DLGAP4: variants seen among roughly 807,000 people sequenced by gnomAD.
DLGAP4 encodes disks large-associated protein 4.
A neutral mutation model predicts 86.9 loss-of-function variants in DLGAP4; 18 were observed. That is an observed-to-expected ratio of 0.21 (90% CI 0.14 to 0.31). DLGAP4 has a LOEUF of 0.31. DLGAP4 is among the 10% of genes least tolerant of loss of function. DLGAP4 has a pLI of 1.00. For missense variants in DLGAP4, 1,085 were observed against 1,362.6 expected, an observed-to-expected ratio of 0.80 and a Z score of 3.21; for synonymous variants, 548 against 574.3, an observed-to-expected ratio of 0.95 and a Z score of 0.65.
chr20:36,317,521 A>T (rs2065121581), intron 1 of DLGAP4, among the ~76,000 whole-genome samples: 1 of 128,844 alleles, frequency 7.8e-6, no homozygotes. Flanking sequence ...TGACATGATC[A>T]TAGCTCACTG....
intron 10 of DLGAP4, chr20:36,510,914 T>C (rs1382320298): frequency 1.3e-5 from 2 of 152,232 alleles, no homozygotes; most frequent in African/African-American, 4.8e-5. Context: ...ATCTGGTGAG[T>C]GCTCCTTCTT....
rs2147540766 is a variant in DLGAP4 at position 36,432,056 on chromosome 20, C to T, written c.339C>T (p.Pro113=). The T allele has an allele frequency of 6.2e-7, 1 of 1,614,160 alleles. No homozygotes were observed. Among genetic ancestry groups the T allele is most frequent in the African/African-American group, 1.3e-5 (1 of 75,068 alleles). Residue 113 remains proline (P), a synonymous_variant, in exon 3 of 13, where the codon CCC becomes CCT. Coordinates refer to ENST00000339266, the MANE Select transcript of DLGAP4 (RefSeq NM_001365621.2). The surrounding 1 kb of genome is among the most constrained non-coding windows in gnomAD (Gnocchi z 6.5). The part of the protein sequence containing the change: ...NLLDQFEKQL[P]IHRDGFSTLQ... ...TGGACCAGTTTGAGAAGCAGCTGCCCATCCACCGTGATGGCTTCAGCACCC... is the reference window on the plus strand; with the variant it reads ...TGGACCAGTTTGAGAAGCAGCTGCCTATCCACCGTGATGGCTTCAGCACCC...
At chr20:36,422,120 C>T (rs765999158) in intron 2 of DLGAP4, among the ~76,000 whole-genome samples, 1 of 152,126 alleles carries the variant, frequency 6.6e-6, no homozygotes, top group Non-Finnish European at 1.5e-5. Flanking sequence ...CTTCACCCCA[C>T]CCCAGGCAGC....
Position 36,526,867 on chromosome 20 carries a change from G to A in DLGAP4, c.2815G>A (p.Ala939Thr). ...VPKKPAKSKP[A>T]VSRDKASDAS... The stretch of plus-strand genomic sequence containing the variant: ...AAAGAAGCCAGCCAAATCCAAGCCG[G>A]CAGTGAGCCGCGACAAGGCCTCAGA... Residue 939 changes from alanine (A) to threonine (T), a missense_variant, in exon 13 of 13, where the codon GCA (alanine) becomes ACA (threonine). Ala to Thr is a moderately conservative substitution (Grantham distance 58, BLOSUM62 0). This residue lies in a region of DLGAP4 where 1,082 missense variants were observed against 1,344.1 expected (regional missense o/e 0.81). Transcript: ENST00000339266. 6.2e-7 allele frequency: 1 copy of A among 1,612,168 alleles called. No individual in the cohort carries two copies. The highest frequency in any genetic ancestry group is 8.5e-7 in the Non-Finnish European group (1 of 1,179,524).
intron 2 of DLGAP4, among the ~76,000 whole-genome samples, chr20:36,423,646 T>G (rs1161217657): frequency 6.6e-6 from 1 of 151,576 alleles, no homozygotes; most frequent in Non-Finnish European, 1.5e-5. Flanking sequence ...TGCGAGGCTT[T>G]CTATATGACA....
At chr20:36,514,436 G>A (rs1437827749) in intron 10 of DLGAP4, among the ~76,000 whole-genome samples, 1 of 152,044 alleles carries the variant, frequency 6.6e-6, no homozygotes, top group Non-Finnish European at 1.5e-5. Flanking sequence ...TTTGAGATAG[G>A]GTCTCACTTT....
rs555732161 is a variant in DLGAP4 at position 36,432,199 on chromosome 20, C to T, written c.482C>T (p.Ala161Val). Residue 161 changes from alanine to valine, a missense_variant, in exon 3 of 13, where the codon GCG (alanine) becomes GTG (valine). Ala to Val is a moderately conservative substitution (Grantham distance 64). Coordinates refer to ENST00000339266, the MANE Select transcript of DLGAP4 (RefSeq NM_001365621.2). The surrounding 1 kb of genome is among the most constrained non-coding windows in gnomAD (Gnocchi z 6.5). Reference protein sequence around the residue: ...FTKAPSLEGTAGKVGGNGSKK... With the variant: ...FTKAPSLEGTVGKVGGNGSKK... ...AAGGCACCCTCACTGGAGGGCACAGCGGGCAAGGTCGGTGGCAATGGCAGC... is the reference window on the plus strand; with the variant it reads ...AAGGCACCCTCACTGGAGGGCACAGTGGGCAAGGTCGGTGGCAATGGCAGC... The T allele has an allele frequency of 4.1e-5, 66 of 1,614,116 alleles. No homozygotes were observed. The highest frequency in any genetic ancestry group is 2.3e-4 in the Admixed American group (14 of 60,034).
rs2033137362 is a variant in DLGAP4, at chr20:36,431,796, A to G, written c.79A>G (p.Thr27Ala). Reference protein sequence around the residue: ...DPPHEPLFAGTDRNPYLLSPT... With the variant: ...DPPHEPLFAGADRNPYLLSPT... ...ACCCCACGAGCCCCTGTTTGCAGGG[A>G]CCGACCGCAACCCCTACCTGCTGTC... The change falls in exon 3 of 13, where the codon ACC becomes GCC. Residue 27 changes from threonine (T) to alanine (A), a missense_variant. By Grantham distance (58) the Thr-to-Ala change is moderately conservative. Transcript: ENST00000339266. This position sits in a 1 kb window ranked among gnomAD's most constrained non-coding sequence, Gnocchi z 5.1. 1.2e-6 allele frequency: 2 copies of G among 1,613,402 alleles called. No individual in the cohort carries two copies. Among genetic ancestry groups the G allele is most frequent in the South Asian group, 1.1e-5 (1 of 91,042 alleles).
At chr20:36,493,681 A>C (rs1272621057) in intron 7 of DLGAP4, among the ~76,000 whole-genome samples, 1 of 152,180 alleles carries the variant, frequency 6.6e-6, no homozygotes, top group Admixed American at 6.5e-5. Context: ...CAGCCCAGCG[A>C]GGAGGGGCCC....
At chr20:36,396,445 C>T (rs1322223549) in intron 2 of DLGAP4, among the ~76,000 whole-genome samples, 2 of 128,310 alleles carry the variant, frequency 1.6e-5, no homozygotes, top group Admixed American at 7.5e-5. Flanking sequence ...CACCCACACA[C>T]ACACATCACA....
intron 7 of DLGAP4, among the ~76,000 whole-genome samples, chr20:36,459,700 C>T (rs2147609415): frequency 6.6e-6 from 1 of 152,348 alleles, no homozygotes; most frequent in South Asian, 2.1e-4. Context: ...CTCCGCTTCC[C>T]AGGTTCAAGC....
At chr20:36,394,060 C>T (rs574681949) in intron 2 of DLGAP4, among the ~76,000 whole-genome samples, 1 of 152,348 alleles carries the variant, frequency 6.6e-6, no homozygotes, top group African/African-American at 2.4e-5. Context: ...GGCCTTTGCA[C>T]ATGCTGTCCC....
At chr20:36,495,661 G>T (rs2035855603) in intron 7 of DLGAP4, among the ~76,000 whole-genome samples, 1 of 152,248 alleles carries the variant, frequency 6.6e-6, no homozygotes, top group African/African-American at 2.4e-5. Context: ...GAGATTCAGA[G>T]ATGGTTCAGG....
At chr20:36,389,982 G>C (rs1043092620) in intron 2 of DLGAP4, among the ~76,000 whole-genome samples, 51 of 152,336 alleles carry the variant, frequency 3.3e-4, no homozygotes, top group African/African-American at 1.2e-3. Flanking sequence ...ACCAAAGCAT[G>C]GGTGGTGGAG....
chr20:36,318,104 TCTCACACACACACACACACACACA>T (rs2065127664), intron 1 of DLGAP4, among the ~76,000 whole-genome samples: 1 of 106,494 alleles, frequency 9.4e-6, no homozygotes, highest in African/African-American at 4.0e-5. Flanking sequence ...AAATGTGTCC[TCTCACACACACACACACACACACA>T]CACACACACA....
At chr20:36,394,761 T>G (rs1003911135) in intron 2 of DLGAP4, among the ~76,000 whole-genome samples, 1 of 150,780 alleles carries the variant, frequency 6.6e-6, no homozygotes, top group Non-Finnish European at 1.5e-5. Context: ...AGGCTCTGGC[T>G]TCTGGAAGCT....
chr20:36,494,172 AT>A (rs760745825), intron 7 of DLGAP4, among the ~76,000 whole-genome samples: 9 of 152,186 alleles, frequency 5.9e-5, no homozygotes, highest in Non-Finnish European at 1.3e-4. Flanking sequence ...GGACTGGGAC[AT>A]TTCAAACAGA....
chr20:36,441,564 C>T (rs1299043659), intron 5 of DLGAP4, among the ~76,000 whole-genome samples: 1 of 152,182 alleles, frequency 6.6e-6, no homozygotes, highest in South Asian at 2.1e-4. Flanking sequence ...CTCCTGGGAG[C>T]GGAGGCCTTG....
At chr20:36,357,858 G>A (rs532736588) in intron 1 of DLGAP4, among the ~76,000 whole-genome samples, 8 of 152,318 alleles carry the variant, frequency 5.3e-5, no homozygotes, top group South Asian at 4.1e-4. Context: ...CCAGATGGCC[G>A]GTGAGGGGGC....
Sources: gnomAD v4.1 joint callset for allele counts (sites outside exome capture counted in the v4.1 genomes callset) on GRCh38, gnomAD v4.1.1 for gene constraint, gnomAD v4.1.1 regional missense constraint, Gnocchi (gnomAD v3.1) non-coding constraint, MANE v1.5 for transcripts, NCBI Gene and HGNC (gene_info 2026-07-23, HGNC 2026-07-21) for gene names.